The following FBXO21 variants were observed in gnomAD, a reference collection of about 807,000 sequenced individuals.
The protein encoded by FBXO21 is F-box protein 21.
FBXO21 carries 32 observed loss-of-function variants against 76.6 expected under a neutral mutation model. The ratio of observed to expected loss-of-function variants is 0.42; its 90% confidence interval spans 0.32 to 0.56. FBXO21 has a LOEUF of 0.56. Ranked by LOEUF, FBXO21 falls within the 20% of genes least tolerant of loss-of-function variation. The pLI is 0.16. For synonymous variants in FBXO21, 328 were observed against 311.5 expected, an observed-to-expected ratio of 1.05 and a Z score of -0.56; for missense variants, 586 against 797.3, an observed-to-expected ratio of 0.73 and a Z score of 3.19.
chr12:117,163,901 G>C (rs1466266681), intron 9 of FBXO21, among the ~76,000 whole-genome samples: 1 of 152,020 alleles, frequency 6.6e-6, no homozygotes, highest in Non-Finnish European at 1.5e-5. Flanking sequence ...CTGAGATCGT[G>C]CCGCTGCACT....
intron 3 of FBXO21, among the ~76,000 whole-genome samples, chr12:117,180,657 C>T (rs1195006500): frequency 3.9e-5 from 6 of 152,012 alleles, no homozygotes; most frequent in African/African-American, 1.2e-4. Context: ...GACGGAGTCT[C>T]GCTCTGTCGC....
At chr12:117,171,192 C>T (rs762198019) in intron 7 of FBXO21, among the ~76,000 whole-genome samples, 43 of 151,552 alleles carry the variant, frequency 2.8e-4, no homozygotes, top group Non-Finnish European at 5.7e-4. Flanking sequence ...GGCAAGACCC[C>T]GTCTCTACAA....
chr12:117,151,132 A>G (rs181908537), intron 11 of FBXO21, among the ~76,000 whole-genome samples: 274 of 152,304 alleles, frequency 1.8e-3, no homozygotes, highest in Non-Finnish European at 1.7e-3. Flanking sequence ...ACCATTACAG[A>G]CAAAACTTAA....
chr12:117,158,176 G>C, intron 9 of FBXO21, 113 bp from the exon 10 acceptor site: 1 of 1,221,070 alleles, frequency 8.2e-7, no homozygotes, highest in Middle Eastern at 2.7e-4. Flanking sequence ...AGGACCAAAA[G>C]GGGTGGCTAT....
chr12:117,158,195 C>G (rs1035792915), intron 9 of FBXO21, 132 bp from the exon 10 acceptor site: 3 of 982,024 alleles, frequency 3.1e-6, no homozygotes, highest in African/African-American at 1.6e-5. Context: ...ATGCCCTGAT[C>G]GAACCGGTCC....
In FBXO21 at chr12:117,190,236, T is replaced by C; in HGVS notation, c.221A>G (p.Lys74Arg). ...ELCQSSGKVW[K>R]EQFRVRWPSL... ...GGCTCACCTCACCCGGAACTGCTCCTTCCACACCTTCCCGCTGCTCTGGCA... is the reference window on the plus strand; with the variant it reads ...GGCTCACCTCACCCGGAACTGCTCCCTCCACACCTTCCCGCTGCTCTGGCA... The change falls in exon 1 of 12, where the codon AAG (lysine) becomes AGG (arginine). Residue 74 changes from lysine (K) to arginine (R), a missense_variant. By Grantham distance (26) the Lys-to-Arg change is conservative. Around this residue, in one of 6 missense-constraint regions of FBXO21, gnomAD observed 152 missense variants for 127.2 expected, o/e 1.19. Transcript: ENST00000622495. The C allele has an allele frequency of 1.3e-6, 2 of 1,537,726 alleles. No homozygotes were observed. The highest frequency in any genetic ancestry group is 1.7e-6 in the Non-Finnish European group (2 of 1,152,444).
In FBXO21 at chr12:117,157,863, G is replaced by A. The variant is rs776701746; in HGVS notation, c.1517+10C>T. On this transcript the variant is annotated intron_variant, in intron 10 of 11. Transcript: ENST00000622495. ...CGGACACTGCAGGACAGATGATCCC[G>A]GGCACTCACCTCTTATGCTTCATAA... 33 of 1,587,714 alleles carry A rather than the reference G, an allele frequency of 2.1e-5. No individual in the cohort carries two copies. Among genetic ancestry groups the A allele is most frequent in the East Asian group, 6.7e-5 (3 of 44,582 alleles).
Position 117,189,366 on chromosome 12 carries a change from C to A in FBXO21, c.240-4G>T. ...GTGTTTCATAAGGGAAGGCCACCTA[C>A]GAGGAGAGAAACACCCCCTCAGCTT... On this transcript the variant is annotated splice_region_variant and splice_polypyrimidine_tract_variant and intron_variant, in intron 1 of 11. Transcript: ENST00000622495. The A allele has an allele frequency of 1.2e-6, 2 of 1,614,102 alleles. No individual in the cohort carries two copies. The highest frequency in any genetic ancestry group is 1.1e-5 in the South Asian group (1 of 91,076).
intron 11 of FBXO21, among the ~76,000 whole-genome samples, chr12:117,150,589 T>A (rs900134812): frequency 2.6e-5 from 4 of 152,240 alleles, no homozygotes; most frequent in African/African-American, 9.6e-5. Flanking sequence ...TTAGTATTCA[T>A]TCCAGTCTGC....
At chr12:117,159,264 T>C (rs1955950866) in intron 9 of FBXO21, among the ~76,000 whole-genome samples, 1 of 151,936 alleles carries the variant, frequency 6.6e-6, no homozygotes, top group Admixed American at 6.6e-5. Flanking sequence ...TCCTTCCCAT[T>C]TGAAGGTCAG....
chr12:117,167,168 G>A (rs1369183036), intron 7 of FBXO21, 91 bp from the exon 8 acceptor site: 3 of 956,802 alleles, frequency 3.1e-6, no homozygotes, highest in Middle Eastern at 3.0e-4. Flanking sequence ...GCTGAAGGTT[G>A]AGACCATAAC....
chr12:117,175,569 G>A (rs1310642230), intron 4 of FBXO21, among the ~76,000 whole-genome samples: 1 of 152,248 alleles, frequency 6.6e-6, no homozygotes, highest in African/African-American at 2.4e-5. Context: ...GCTCAAAGCA[G>A]TTGAACGGGT....
rs113571728 is a variant in FBXO21 at position 117,186,623 on chromosome 12, TCTCA to T, written c.376-56_376-53del. On this transcript the variant is annotated intron_variant, in intron 2 of 11. Coordinates refer to ENST00000622495, the MANE Select transcript of FBXO21 (RefSeq NM_015002.3). Reference sequence around the variant, plus strand: ...CCTCAATTATGAGTATTGATGCAACTCTCACTCTCACAAATTTGAGCTGAAATAA... The same window carrying T: ...CCTCAATTATGAGTATTGATGCAACTCTCTCACAAATTTGAGCTGAAATAA... 8.4e-3 allele frequency: 9,387 copies of T among 1,119,920 alleles called. 509 individuals carry two copies. The African/African-American group carries it at 0.13, about 15-fold the overall frequency. 69.4% of individuals were successfully genotyped at this position (1,119,920 alleles called of 1,614,324 possible).
chr12:117,174,661 G>A lies in FBXO21; in HGVS notation c.729C>T (p.Ala243=), dbSNP rs766368610. Reference sequence around the variant, plus strand: ...AAAGCAATGCCACACCTGCCTTGAAGGCCAAGCTGGGGTGGCGACTGTTTA... The same window carrying A: ...AAAGCAATGCCACACCTGCCTTGAAAGCCAAGCTGGGGTGGCGACTGTTTA... ...RGINSRHPSL[A]FKAGESSMIM... is the part of the protein sequence containing the mutation. The change falls in exon 5 of 12, where the codon GCC becomes GCT. Residue 243 remains alanine, a synonymous_variant. Transcript: ENST00000622495. 6.2e-7 allele frequency: 1 copy of A among 1,614,126 alleles called. No individual in the cohort carries two copies. The highest frequency in any genetic ancestry group is 8.5e-7 in the Non-Finnish European group (1 of 1,180,022).
At chr12:117,166,229 C>G (rs1956052834) in intron 8 of FBXO21, among the ~76,000 whole-genome samples, 1 of 150,588 alleles carries the variant, frequency 6.6e-6, no homozygotes, top group Admixed American at 6.6e-5. Context: ...GTAGGCGGAG[C>G]ACAGAGGATA....
intron 6 of FBXO21, 49 bp from the exon 7 acceptor site, chr12:117,172,656 TCA>T: frequency 6.3e-7 from 1 of 1,576,064 alleles, no homozygotes; most frequent in South Asian, 1.1e-5. Flanking sequence ...CTATACGTTC[TCA>T]TTCTTTCAAT....
In FBXO21 at chr12:117,142,025, G is replaced by A. The variant is rs1955722690; in HGVS notation, c.*4062C>T. On this transcript the variant is annotated 3_prime_UTR_variant, in exon 12 of 12. Coordinates refer to ENST00000622495, the MANE Select transcript of FBXO21 (RefSeq NM_015002.3). ...GGGTCTATTTATTACAGAACTAGCA[G>A]AGCCCTAATACAGTCATTGCTACGT... 6.6e-6 allele frequency: 1 copy of A among 152,242 alleles called. No individual in the cohort carries two copies. The highest frequency in any genetic ancestry group is 6.5e-5 in the Admixed American group (1 of 15,282). The allele number at this position is 152,242 out of a possible 1,614,324, so 9.4% of individuals were successfully genotyped here.
At position 117,157,986 on chromosome 12, in the gene FBXO21, A is replaced by G. The variant is rs907537360; in HGVS notation, c.1404T>C (p.Thr468=). The G allele has an allele frequency of 1.2e-6, 2 of 1,614,194 alleles. No individual in the cohort carries two copies. Among genetic ancestry groups the G allele is most frequent in the East Asian group, 2.2e-5 (1 of 44,882 alleles). ...HGAVGYLVQH[T]LEHIERKKEE... is the part of the protein sequence containing the mutation. Reference sequence around the variant, plus strand: ...CCTTTTTGCGCTCAATGTGCTCTAGAGTGTGCTGCACCAGGTAGCCCACCG... The same window carrying G: ...CCTTTTTGCGCTCAATGTGCTCTAGGGTGTGCTGCACCAGGTAGCCCACCG... Residue 468 remains threonine (T), a synonymous_variant, in exon 10 of 12, where the codon ACT becomes ACC. Transcript: ENST00000622495.
intron 9 of FBXO21, 108 bp from the exon 10 acceptor site, chr12:117,158,171 C>A: frequency 7.6e-7 from 1 of 1,321,432 alleles, no homozygotes; most frequent in Non-Finnish European, 1.1e-6. Flanking sequence ...AGCAAAGGAC[C>A]AAAAGGGGTG....
Sources: allele counts gnomAD v4.1 joint callset (sites outside exome capture counted in the v4.1 genomes callset), GRCh38; gene constraint gnomAD v4.1.1; regional missense constraint gnomAD v4.1.1; transcripts MANE v1.5; gene names NCBI Gene and HGNC (gene_info 2026-07-23, HGNC 2026-07-21).